DNAH11: variants seen among roughly 807,000 people sequenced by gnomAD.
DNAH11 encodes the protein dynein axonemal heavy chain 11.
A neutral mutation model predicts 526.0 loss-of-function variants in DNAH11; 442 were observed. That is an observed-to-expected ratio of 0.84 (90% CI 0.78 to 0.91). The LOEUF (loss-of-function observed/expected upper bound fraction) is 0.91, where lower values mean the gene tolerates loss of function less well. Among genes scored for constraint, DNAH11 ranks in the 40% least tolerant of loss-of-function variants. DNAH11 has a pLI of 0.00. For missense variants in DNAH11, 6,989 were observed against 5,448.7 expected (o/e 1.28, Z -8.90); for synonymous variants, 2,461 against 1,935.9 (o/e 1.27, Z -7.12).
intron 25 of DNAH11, among the ~76,000 whole-genome samples, chr7:21,626,745 C>CTTTTTTTTTTT (rs34136253): frequency 1.5e-5 from 1 of 66,386 alleles, no homozygotes; most frequent in Non-Finnish European, 2.7e-5. Context: ...TTCTGTATGT[C>CTTTTTTTTTTT]TTTTTTTTTT....
At position 21,872,078 on chromosome 7, in the gene DNAH11, C is replaced by T. The variant is rs570999268; in HGVS notation, c.11968-1196C>T. 5.6e-4 allele frequency among the ~76,000 whole-genome samples: 77 copies of T among 138,380 alleles called. 1 individual carries two copies. Among genetic ancestry groups the T allele is most frequent in the Middle Eastern group, 4.4e-3 (1 of 226 alleles). 90.8% of individuals were successfully genotyped at this position (138,380 alleles called of 152,430 possible). A position where few individuals can be genotyped will look rare whatever the true frequency, so the allele number is the denominator to read the frequency against. On this transcript the variant is annotated intron_variant, in intron 73 of 81. Coordinates refer to ENST00000409508, the MANE Select transcript of DNAH11 (RefSeq NM_001277115.2). Reference sequence around the variant, plus strand: ...GACGGAGTTTGCAGTGAGCCAAGATCGCACCACTGCACTCCAGCCTGGGTG... The same window carrying T: ...GACGGAGTTTGCAGTGAGCCAAGATTGCACCACTGCACTCCAGCCTGGGTG...
chr7:21,806,145 A>G (rs543492705), intron 62 of DNAH11, among the ~76,000 whole-genome samples: 1 of 152,202 alleles, frequency 6.6e-6, no homozygotes. Flanking sequence ...TTGTTAGCCA[A>G]TGTCAGTAAT....
At chr7:21,718,912 T>C (rs1187631459) in intron 43 of DNAH11, among the ~76,000 whole-genome samples, 2 of 152,220 alleles carry the variant, frequency 1.3e-5, no homozygotes, top group African/African-American at 4.8e-5. Context: ...ACAGTAATTA[T>C]CTGAGGTATA....
intron 35 of DNAH11, among the ~76,000 whole-genome samples, chr7:21,692,622 G>A (rs1783681122): frequency 1.3e-5 from 2 of 152,236 alleles, no homozygotes; most frequent in South Asian, 4.1e-4. Context: ...TGAATAAAGC[G>A]GCTATGAACA....
intron 28 of DNAH11, among the ~76,000 whole-genome samples, chr7:21,649,106 G>C (rs1051612263): frequency 6.6e-6 from 1 of 152,158 alleles, no homozygotes; most frequent in Non-Finnish European, 1.5e-5. Context: ...GAGATATCAA[G>C]ATCAAACCCA....
chr7:21,619,247 T>G, intron 24 of DNAH11, 25 bp downstream of exon 24: 1 of 1,600,378 alleles, frequency 6.2e-7, no homozygotes, highest in Non-Finnish European at 8.5e-7. Context: ...ACTGGGTCAT[T>G]TCTACTTGGC....
chr7:21,850,469 C>T (rs1057034223), intron 66 of DNAH11, among the ~76,000 whole-genome samples: 9 of 151,950 alleles, frequency 5.9e-5, no homozygotes, highest in African/African-American at 2.2e-4. Flanking sequence ...ACTTACATTG[C>T]CCATGTGGTC....
chr7:21,705,123 A>G (rs1336278941), intron 38 of DNAH11, among the ~76,000 whole-genome samples: 3 of 151,422 alleles, frequency 2.0e-5, no homozygotes, highest in Non-Finnish European at 2.9e-5. Context: ...TAGATATTTT[A>G]TAGGATATAA....
intron 28 of DNAH11, among the ~76,000 whole-genome samples, chr7:21,646,034 T>G (rs1024494727): frequency 1.3e-5 from 2 of 152,068 alleles, no homozygotes; most frequent in African/African-American, 4.8e-5. Context: ...GAAAAGGTGT[T>G]GGCAATGCAA....
chr7:21,731,925 A>G (rs749568859), intron 45 of DNAH11, among the ~76,000 whole-genome samples: 5 of 152,152 alleles, frequency 3.3e-5, no homozygotes, highest in African/African-American at 4.8e-5. Flanking sequence ...GAATTGTTCT[A>G]TTTTACTGTT....
At chr7:21,646,383 C>T (rs12700289) in intron 28 of DNAH11, among the ~76,000 whole-genome samples, 58,632 of 152,050 alleles carry the variant, frequency 0.39, 13,069 homozygotes, top group Non-Finnish European at 0.51. Context: ...AACAGGGATT[C>T]ATCACAGGTG....
Position 21,774,498 on chromosome 7 carries a change from G to A in DNAH11, c.9336+499G>A, listed in dbSNP as rs143624303. 5.3e-5 allele frequency among the ~76,000 whole-genome samples: 8 copies of A among 152,214 alleles called. No homozygotes were observed. The East Asian group carries it at 5.8e-4, about 11-fold the overall frequency. On this transcript the variant is annotated intron_variant, in intron 56 of 81. Transcript: ENST00000409508. ...TCAGTCCTGAGGCCCCTGCTCCCTC[G>A]AAGGGCGATGCCTCTAACTTGCAGG...
At chr7:21,673,966 T>C (rs1329510172) in intron 30 of DNAH11, among the ~76,000 whole-genome samples, 4 of 152,054 alleles carry the variant, frequency 2.6e-5, no homozygotes, top group African/African-American at 9.7e-5. Context: ...TTACTTCACC[T>C]GGCTGGTCTT....
Position 21,761,582 on chromosome 7 carries a change from G to A in DNAH11, c.8941-3846G>A, listed in dbSNP as rs139353855. Among the ~76,000 whole-genome samples, 567 of 152,238 alleles carry A rather than the reference G, an allele frequency of 3.7e-3. 4 individuals are homozygous for A. The highest frequency in any genetic ancestry group is 0.013 in the African/African-American group (534 of 41,536). On this transcript the variant is annotated intron_variant, in intron 54 of 81. Coordinates refer to ENST00000409508, the MANE Select transcript of DNAH11 (RefSeq NM_001277115.2). The stretch of plus-strand genomic sequence containing the variant: ...ACCTTAGAGTGTTTGCTTAAAGCAC[G>A]CATTGCTGAGTCCCACCTCCAGAGT...
intron 8 of DNAH11, among the ~76,000 whole-genome samples, chr7:21,575,219 G>C (rs1157038738): frequency 6.6e-6 from 1 of 152,060 alleles, no homozygotes; most frequent in Non-Finnish European, 1.5e-5. Context: ...TATTTATCTT[G>C]CTTGTTGCAT....
At chr7:21,775,108 G>T (rs901196196) in intron 56 of DNAH11, among the ~76,000 whole-genome samples, 1 of 152,094 alleles carries the variant, frequency 6.6e-6, no homozygotes, top group East Asian at 1.9e-4. Flanking sequence ...AGCACCACTT[G>T]CCTCTTTTTC....
chr7:21,742,879 C>G (rs1347755807), intron 49 of DNAH11, among the ~76,000 whole-genome samples: 1 of 152,098 alleles, frequency 6.6e-6, no homozygotes, highest in African/African-American at 2.4e-5. Flanking sequence ...TTTTATTTCT[C>G]ACAGTTCTGG....
rs766652102 is a variant in DNAH11, at chr7:21,711,712, G to A, written c.6835G>A (p.Val2279Met). ...SLNTVMDDNK[V>M]LTLASNERIA... is the part of the protein sequence containing the mutation. ...GGTGACAGTGTGCTGCTCACTCCAG[G>A]TGCTGACCCTCGCCAGCAATGAGCG... Residue 2279 changes from valine to methionine, a missense_variant and splice_region_variant, in exon 42 of 82, where the codon GTG becomes ATG. Physicochemically the swap from Val to Met is conservative, Grantham distance 21. Coordinates refer to ENST00000409508, the MANE Select transcript of DNAH11 (RefSeq NM_001277115.2). The A allele has an allele frequency of 5.6e-6, 9 of 1,613,296 alleles. No homozygotes were observed. The highest frequency in any genetic ancestry group is 7.6e-6 in the Non-Finnish European group (9 of 1,179,560).
chr7:21,617,662 A>ACACGGGCCTGGAAGGCACAGTTT lies in DNAH11; in HGVS notation c.4161_4162insTCACGGGCCTGGAAGGCACAGTT (p.Lys1388SerfsTer11). ...AAGGAAGTCCGCGTCTGGGATGCTT[A>ACACGGGCCTGGAAGGCACAGTTT]CACGGGCCTGGAAGGCACAGTTAAG... On this transcript the variant is annotated frameshift_variant, in exon 23 of 82. Coordinates refer to ENST00000409508, the MANE Select transcript of DNAH11 (RefSeq NM_001277115.2). LOFTEE classifies it high-confidence loss of function. The ACACGGGCCTGGAAGGCACAGTTT allele has an allele frequency of 6.2e-7, 1 of 1,613,918 alleles. No homozygotes were observed.
Sources: gnomAD v4.1 joint callset for allele counts (sites outside exome capture counted in the v4.1 genomes callset) on GRCh38, gnomAD v4.1.1 for gene constraint, MANE v1.5 for transcripts, NCBI Gene and HGNC (gene_info 2026-07-23, HGNC 2026-07-21) for gene names.